The following NEK1 variants were observed in gnomAD, a reference collection of about 807,000 sequenced individuals.
The protein encoded by NEK1 is serine/threonine-protein kinase Nek1.
Under a neutral mutation model 182.1 loss-of-function variants are expected in NEK1, and 137 were observed. The observed-to-expected ratio is 0.75, with a 90% CI of 0.65 to 0.87. NEK1 has a LOEUF of 0.87. Ranked by LOEUF, NEK1 falls within the 40% of genes least tolerant of loss-of-function variation. NEK1 has a pLI of 0.00. For missense variants in NEK1, 1,391 were observed against 1,494.4 expected (o/e 0.93, Z 1.14); for synonymous variants, 513 against 492.2 (o/e 1.04, Z -0.56).
intron 2 of NEK1, among the ~76,000 whole-genome samples, chr4:169,609,160 A>G (rs770349831): frequency 2.0e-5 from 3 of 152,164 alleles, no homozygotes; most frequent in Non-Finnish European, 2.9e-5. Flanking sequence ...AAAAAGCACA[A>G]GAGACGGCAT....
intron 27 of NEK1, among the ~76,000 whole-genome samples, chr4:169,444,547 A>T (rs944642063): frequency 6.6e-6 from 1 of 152,164 alleles, no homozygotes; most frequent in Admixed American, 6.6e-5. Context: ...TGAAGGGAAA[A>T]ATTAAATGAG....
chr4:169,550,710 A>G (rs1397301713), intron 18 of NEK1, among the ~76,000 whole-genome samples: 1 of 152,220 alleles, frequency 6.6e-6, no homozygotes, highest in East Asian at 1.9e-4. Context: ...GATCCATTAT[A>G]TTGTGGATTC....
chr4:169,465,467 C>T (rs1452302665), intron 26 of NEK1, among the ~76,000 whole-genome samples: 2 of 151,944 alleles, frequency 1.3e-5, no homozygotes, highest in Non-Finnish European at 2.9e-5. Context: ...TGAAGTAATA[C>T]GTTTCACAGA....
At chr4:169,424,488 T>A in intron 31 of NEK1, 65 bp downstream of exon 31, 1 of 1,478,288 alleles carries the variant, frequency 6.8e-7, no homozygotes, top group Non-Finnish European at 9.0e-7. Context: ...TTATGGTTTA[T>A]AAAAGAAAAA....
At chr4:169,528,319 A>C (rs760396116) in intron 19 of NEK1, among the ~76,000 whole-genome samples, 17 of 152,318 alleles carry the variant, frequency 1.1e-4, no homozygotes, top group Admixed American at 6.5e-5. Flanking sequence ...GAAGAGGCCC[A>C]TGTGTCAAGA....
At chr4:169,514,933 G>A (rs1754880765) in intron 19 of NEK1, among the ~76,000 whole-genome samples, 1 of 151,960 alleles carries the variant, frequency 6.6e-6, no homozygotes, top group Non-Finnish European at 1.5e-5. Flanking sequence ...GGAATTTACA[G>A]TGATTTGAGA....
intron 27 of NEK1, among the ~76,000 whole-genome samples, chr4:169,446,457 C>G (rs1740588283): frequency 6.6e-6 from 1 of 152,002 alleles, no homozygotes; most frequent in Non-Finnish European, 1.5e-5. Flanking sequence ...CAGACAACCT[C>G]CCAAAATAAC....
intron 27 of NEK1, among the ~76,000 whole-genome samples, chr4:169,450,257 A>G (rs1349897219): frequency 6.6e-6 from 1 of 152,222 alleles, no homozygotes; most frequent in East Asian, 1.9e-4. Context: ...AACACTCTCC[A>G]GGATATTATC....
chr4:169,612,030 C>G lies in NEK1; in HGVS notation c.-59G>C, dbSNP rs1772404539. On this transcript the variant is annotated 5_prime_UTR_variant, in exon 2 of 36. Coordinates refer to ENST00000507142, the MANE Select transcript of NEK1 (RefSeq NM_001199397.3). ...CCAAGTGGAACTCACCTCAGTGACACAGGACGTTAGTAGGAATAACGGTGA... is the reference window on the plus strand; with the variant it reads ...CCAAGTGGAACTCACCTCAGTGACAGAGGACGTTAGTAGGAATAACGGTGA... 6.6e-6 allele frequency: 1 copy of G among 152,228 alleles called. No individual in the cohort carries two copies. Among genetic ancestry groups the G allele is most frequent in the Admixed American group, 6.5e-5 (1 of 15,290 alleles). 9.4% of individuals were successfully genotyped at this position (152,228 alleles called of 1,614,324 possible).
At chr4:169,535,457 GA>G (rs984520995) in intron 19 of NEK1, among the ~76,000 whole-genome samples, 88 of 141,126 alleles carry the variant, frequency 6.2e-4, no homozygotes, top group East Asian at 2.6e-3. Flanking sequence ...AACACACAGA[GA>G]AAAAAAAAAA....
At chr4:169,561,055 A>G (rs994383622) in intron 16 of NEK1, among the ~76,000 whole-genome samples, 1 of 152,226 alleles carries the variant, frequency 6.6e-6, no homozygotes, top group Admixed American at 6.5e-5. Flanking sequence ...TTCAGCATGA[A>G]TAGAGCATAC....
rs774341117 is a variant in NEK1, at chr4:169,606,463, A to T, written c.-48-3785T>A. On this transcript the variant is annotated intron_variant, in intron 2 of 35. Coordinates refer to ENST00000507142, the MANE Select transcript of NEK1 (RefSeq NM_001199397.3). ...AAGCCAGCAGTGGGAAATAAGTCAG[A>T]AACAAGTCAATTCCCACCACAAACT... Among the ~76,000 whole-genome samples, 131 of 152,050 alleles carry T rather than the reference A, an allele frequency of 8.6e-4. 3 individuals carry two copies. The highest frequency in any genetic ancestry group is 4.1e-4 in the Non-Finnish European group (28 of 68,010).
rs72692998 is a variant in NEK1 at position 169,599,760 on chromosome 4, T to C, written c.215-563A>G. On this transcript the variant is annotated intron_variant, in intron 4 of 35. Coordinates refer to ENST00000507142, the MANE Select transcript of NEK1 (RefSeq NM_001199397.3). The stretch of plus-strand genomic sequence containing the variant: ...TATGCACTTTTTAAAAAATTGCATA[T>C]GATTTGTGAACAAACATGAAGATGG... Among the ~76,000 whole-genome samples the C allele has an allele frequency of 4.0e-3, 602 of 152,342 alleles. 5 individuals carry two copies. The highest frequency in any genetic ancestry group is 0.03 in the South Asian group (144 of 4,824).
chr4:169,498,579 A>C (rs1327419089), intron 23 of NEK1, among the ~76,000 whole-genome samples: 2 of 151,844 alleles, frequency 1.3e-5, no homozygotes, highest in African/African-American at 2.4e-5. Context: ...TTCCTTCTGG[A>C]GCTCTTTTAG....
chr4:169,604,501 T>C (rs1042803328), intron 2 of NEK1, among the ~76,000 whole-genome samples: 1 of 152,246 alleles, frequency 6.6e-6, no homozygotes, highest in African/African-American at 2.4e-5. Flanking sequence ...TTTCCATTCA[T>C]AGCAGGCTTC....
rs370525243 is a variant in NEK1 at position 169,507,200 on chromosome 4, TG to T, written c.1912-69del. On this transcript the variant is annotated intron_variant, in intron 22 of 35. Coordinates refer to ENST00000507142, the MANE Select transcript of NEK1 (RefSeq NM_001199397.3). ...GGGCAGAGGTTTTTTTTTTTTTTTTTGGGCCAGGTCTATGAAGATATTTACT... is the reference window on the plus strand; with the variant it reads ...GGGCAGAGGTTTTTTTTTTTTTTTTTGGCCAGGTCTATGAAGATATTTACT... 93,950 of 647,020 alleles carry T rather than the reference TG, an allele frequency of 0.15. 3,018 individuals carry two copies. The highest frequency in any genetic ancestry group is 0.27 in the African/African-American group (13,167 of 48,696). The allele number at this position is 647,020 out of a possible 1,614,324, so 40.1% of individuals were successfully genotyped here.
chr4:169,564,208 C>A (rs1027408579), intron 12 of NEK1, among the ~76,000 whole-genome samples: 3 of 151,958 alleles, frequency 2.0e-5, no homozygotes, highest in African/African-American at 7.2e-5. Context: ...CATTTTTCAG[C>A]CACCTTAAAA....
intron 27 of NEK1, among the ~76,000 whole-genome samples, chr4:169,448,093 C>A (rs562840577): frequency 7.9e-5 from 12 of 151,864 alleles, no homozygotes; most frequent in African/African-American, 2.9e-4. Context: ...TGGCTACAAG[C>A]AGTGGGACAT....
Position 169,537,728 on chromosome 4 carries a change from T to G in NEK1, c.1665+81A>C, listed in dbSNP as rs888456962. 6 of 1,054,270 alleles carry G rather than the reference T, an allele frequency of 5.7e-6. No individual in the cohort carries two copies. The African/African-American group carries it at 9.4e-5, about 16-fold the overall frequency. The allele number at this position is 1,054,270 out of a possible 1,614,324, so 65.3% of individuals were successfully genotyped here. A position where few individuals can be genotyped will look rare whatever the true frequency, so the allele number is the denominator to read the frequency against. The stretch of plus-strand genomic sequence containing the variant: ...CCTAGATTGTTAGACTGTCATTCTT[T>G]TTACTTACACTTACCTTATTCCAGA... On this transcript the variant is annotated intron_variant, in intron 19 of 35. Transcript: ENST00000507142.
Sources: gnomAD v4.1 joint callset for allele counts (sites outside exome capture counted in the v4.1 genomes callset) on GRCh38, gnomAD v4.1.1 for gene constraint, MANE v1.5 for transcripts, NCBI Gene and HGNC (gene_info 2026-07-23, HGNC 2026-07-21) for gene names.